Variants in GBE1 observed in about 807,000 individuals in gnomAD.
The protein encoded by GBE1 is 1,4-alpha-glucan-branching enzyme.
A neutral mutation model predicts 88.8 loss-of-function variants in GBE1; 70 were observed. The ratio of observed to expected loss-of-function variants is 0.79; its 90% CI spans 0.65 to 0.96. The LOEUF (loss-of-function observed/expected upper bound fraction) is 0.96, where lower values mean the gene tolerates loss of function less well. Among genes scored for constraint, GBE1 ranks in the 40% least tolerant of loss-of-function variants. The pLI is 0.00. For missense variants in GBE1, 872 were observed against 871.0 expected, an observed-to-expected ratio of 1.00 and a Z score of -0.01; for synonymous variants, 284 against 300.1, an observed-to-expected ratio of 0.95 and a Z score of 0.56.
chr3:81,525,292 G>C (rs958949934), intron 14 of GBE1, among the ~76,000 whole-genome samples: 10 of 152,016 alleles, frequency 6.6e-5, no homozygotes, highest in African/African-American at 1.9e-4. Flanking sequence ...AGATAATCAT[G>C]TGGTTTTTGT....
At chr3:81,493,036 A>C (rs1240301360) in intron 15 of GBE1, among the ~76,000 whole-genome samples, 3 of 152,122 alleles carry the variant, frequency 2.0e-5, no homozygotes, top group African/African-American at 7.2e-5. Flanking sequence ...GCAGCTAGTC[A>C]TAGTCTACAT....
intron 14 of GBE1, among the ~76,000 whole-genome samples, chr3:81,526,792 T>G (rs563130227): frequency 7.2e-5 from 11 of 152,016 alleles, no homozygotes; most frequent in African/African-American, 2.2e-4. Context: ...TGGCCATACT[T>G]CCCAAGGTAA....
In GBE1 at chr3:81,527,510, A is replaced by G. The variant is rs549496342; in HGVS notation, c.1934+7685T>C. ...AATATCCAGAATCTACAATGAACTC[A>G]AACAAATTTACAAGACAAAAACAAC... On this transcript the variant is annotated intron_variant, in intron 14 of 15. Transcript: ENST00000429644. 5.9e-5 allele frequency among the ~76,000 whole-genome samples: 9 copies of G among 152,324 alleles called. No homozygotes were observed. The East Asian group carries it at 1.5e-3, about 26-fold the overall frequency.
At chr3:81,527,054 G>A (rs1179211927) in intron 14 of GBE1, among the ~76,000 whole-genome samples, 1 of 152,016 alleles carries the variant, frequency 6.6e-6, no homozygotes, top group East Asian at 1.9e-4. Context: ...AGAGCCCTCA[G>A]AAATAATGCC....
intron 1 of GBE1, among the ~76,000 whole-genome samples, chr3:81,752,569 C>T (rs1218212390): frequency 6.6e-6 from 1 of 152,162 alleles, no homozygotes; most frequent in Non-Finnish European, 1.5e-5. Context: ...ATAAAAGGAG[C>T]TTTGTGCTCA....
At chr3:81,618,541 A>G (rs1704281546) in intron 7 of GBE1, among the ~76,000 whole-genome samples, 1 of 152,156 alleles carries the variant, frequency 6.6e-6, no homozygotes, top group African/African-American at 2.4e-5. Context: ...TAGGCAGGAC[A>G]AAGAGGAATA....
chr3:81,655,301 C>T (rs937723310), intron 3 of GBE1, among the ~76,000 whole-genome samples: 1 of 151,978 alleles, frequency 6.6e-6, no homozygotes, highest in Admixed American at 6.6e-5. Context: ...CCACTTCAGC[C>T]TCCAAAAGTA....
chr3:81,718,725 C>T (rs1705978063), intron 1 of GBE1, among the ~76,000 whole-genome samples: 1 of 152,140 alleles, frequency 6.6e-6, no homozygotes, highest in South Asian at 2.1e-4. Flanking sequence ...CAACCTCCGC[C>T]TCCTGGGTTC....
At chr3:81,519,301 T>A (rs1702841420) in intron 14 of GBE1, among the ~76,000 whole-genome samples, 2 of 151,544 alleles carry the variant, frequency 1.3e-5, no homozygotes, top group Non-Finnish European at 3.0e-5. Context: ...CTATCTCAGG[T>A]CAAATTCAAC....
intron 1 of GBE1, among the ~76,000 whole-genome samples, chr3:81,750,576 CGTATATATAT>C (rs1706492110): frequency 2.2e-5 from 1 of 46,084 alleles, no homozygotes; most frequent in African/African-American, 1.2e-4. Flanking sequence ...TATATATATA[CGTATATATAT>C]ACGTATATAT....
intron 7 of GBE1, among the ~76,000 whole-genome samples, chr3:81,606,871 T>A (rs1234883528): frequency 6.6e-6 from 1 of 152,248 alleles, no homozygotes; most frequent in East Asian, 1.9e-4. Flanking sequence ...GTAGCATTTT[T>A]AAATTGATTA....
intron 12 of GBE1, among the ~76,000 whole-genome samples, chr3:81,564,395 C>G (rs1703462213): frequency 6.6e-6 from 1 of 152,066 alleles, no homozygotes; most frequent in Non-Finnish European, 1.5e-5. Context: ...GAGTCAACAC[C>G]ACGGCCACTG....
chr3:81,721,393 G>C (rs933166578), intron 1 of GBE1, among the ~76,000 whole-genome samples: 3 of 151,566 alleles, frequency 2.0e-5, no homozygotes, highest in Non-Finnish European at 4.4e-5. Flanking sequence ...GCCTTGTATT[G>C]CTTATGGGGA....
intron 7 of GBE1, among the ~76,000 whole-genome samples, chr3:81,627,065 T>C (rs1704427732): frequency 6.6e-6 from 1 of 152,172 alleles, no homozygotes; most frequent in Non-Finnish European, 1.5e-5. Flanking sequence ...GCCATTGTTA[T>C]TTCGTGAATG....
intron 9 of GBE1, among the ~76,000 whole-genome samples, chr3:81,589,834 T>C (rs1172799459): frequency 1.3e-5 from 2 of 152,012 alleles, no homozygotes; most frequent in Non-Finnish European, 2.9e-5. Flanking sequence ...AATTCAAATA[T>C]ACATAAGGCA....
intron 1 of GBE1, among the ~76,000 whole-genome samples, chr3:81,748,847 A>G (rs1250457709): frequency 6.6e-6 from 1 of 151,806 alleles, no homozygotes; most frequent in Non-Finnish European, 1.5e-5. Flanking sequence ...TCTCTACTAA[A>G]AATACAAAAA....
intron 1 of GBE1, among the ~76,000 whole-genome samples, chr3:81,750,525 A>ATATATATATG (rs1706481727): frequency 2.6e-4 from 21 of 80,732 alleles, no homozygotes; most frequent in East Asian, 1.9e-3. Context: ...CAAAACATTC[A>ATATATATATG]TATATATATA....
chr3:81,738,939 G>T (rs1008200822), intron 1 of GBE1, among the ~76,000 whole-genome samples: 1 of 152,160 alleles, frequency 6.6e-6, no homozygotes, highest in African/African-American at 2.4e-5. Flanking sequence ...AGTTCTGGAA[G>T]CTGGTTAGTC....
chr3:81,728,622 T>C (rs1032520204), intron 1 of GBE1, among the ~76,000 whole-genome samples: 6 of 151,870 alleles, frequency 4.0e-5, no homozygotes, highest in African/African-American at 1.5e-4. Context: ...ATATTCTAAT[T>C]ACTACTGGAA....
Sources: gnomAD v4.1 joint callset for allele counts (sites outside exome capture counted in the v4.1 genomes callset) on GRCh38, gnomAD v4.1.1 for gene constraint, MANE v1.5 for transcripts, NCBI Gene and HGNC (gene_info 2026-07-23, HGNC 2026-07-21) for gene names.